The following CRB1 variants were observed in gnomAD, a reference collection of about 807,000 sequenced individuals.
The protein encoded by CRB1 is crumbs cell polarity complex component 1, also known as protein crumbs homolog 1.
CRB1 carries 83 observed loss-of-function variants against 120.0 expected under a neutral mutation model. That is an observed-to-expected ratio of 0.69 (90% CI 0.58 to 0.83). The LOEUF (loss-of-function observed/expected upper bound fraction) is 0.83, where lower values mean the gene tolerates loss of function less well. Ranked by LOEUF, CRB1 falls within the 40% of genes least tolerant of loss-of-function variation. The probability of loss-of-function intolerance (pLI) is 0.00; values close to 1 mark genes in which losing one functional copy is unlikely to be tolerated. For synonymous variants in CRB1, 625 were observed against 612.5 expected (o/e 1.02, Z -0.30); for missense variants, 1,699 against 1,687.6 (o/e 1.01, Z -0.12).
At chr1:197,385,334 G>A (rs1192671808) in intron 5 of CRB1, among the ~76,000 whole-genome samples, 3 of 152,102 alleles carry the variant, frequency 2.0e-5, no homozygotes, top group Admixed American at 6.6e-5. Context: ...AATGTAAATA[G>A]ACAAATGAGG....
rs1443651380 is a variant in CRB1, at chr1:197,438,616, C to T, written c.3819C>T (p.Asn1273=). 1 of 1,613,020 alleles carries T rather than the reference C, an allele frequency of 6.2e-7. No individual in the cohort carries two copies. Among genetic ancestry groups the T allele is most frequent in the South Asian group, 1.1e-5 (1 of 91,074 alleles). The change falls in exon 10 of 12, where the codon AAC becomes AAT. Residue 1273 remains asparagine, a synonymous_variant. Coordinates refer to ENST00000367400, the MANE Select transcript of CRB1 (RefSeq NM_201253.3). ...ATCTCACTTGCTACAATGGAGGCAA[C>T]TGCACAGAGTTCCAGACTGAATTAA... ...KTNLTCYNGG[N]CTEFQTELKC... is the part of the protein sequence containing the mutation.
chr1:197,408,116 A>G (rs1663513765), intron 5 of CRB1, among the ~76,000 whole-genome samples: 1 of 152,202 alleles, frequency 6.6e-6, no homozygotes, highest in Non-Finnish European at 1.5e-5. Context: ...AAAGTAAATC[A>G]CAAATATTAA....
At chr1:197,233,430 C>T in the CRB1 span, among the ~76,000 whole-genome samples, 1 of 152,180 alleles carries the variant, frequency 6.6e-6, no homozygotes, top group African/African-American at 2.4e-5. Flanking sequence ...CCACAGTTCT[C>T]TACACTGCAC....
chr1:197,223,181 A>G, the CRB1 span: 3 of 1,150,962 alleles, frequency 2.6e-6, no homozygotes, highest in African/African-American at 1.5e-5. Context: ...CACTTCTTAC[A>G]ATATTTGGAA....
rs753966052 is a variant in CRB1 at position 197,444,064 on chromosome 1, AT to A, written c.4005+1773del. ...GAGGACAGTTTATCCATTGGATGCC[AT>A]CTATTTAGTCCCAATTAAGAAAGTT... On this transcript the variant is annotated intron_variant, in intron 11 of 11. Transcript: ENST00000367400. 1.2e-4 allele frequency: 19 copies of A among 152,330 alleles called. No individual in the cohort carries two copies. In the East Asian group the frequency reaches 3.3e-3, roughly 26 times the overall value. The allele number at this position is 152,330 out of a possible 1,614,324, so 9.4% of individuals were successfully genotyped here.
At chr1:197,252,799 G>A in the CRB1 span, among the ~76,000 whole-genome samples, 5 of 151,296 alleles carry the variant, frequency 3.3e-5, no homozygotes, top group Non-Finnish European at 7.4e-5. Flanking sequence ...AGAACCAGGA[G>A]CTCCGATGTC....
intron 5 of CRB1, among the ~76,000 whole-genome samples, chr1:197,407,635 A>G (rs568514725): frequency 1.3e-5 from 2 of 152,194 alleles, no homozygotes; most frequent in Non-Finnish European, 2.9e-5. Context: ...TAAAAAATGC[A>G]GCTATCTGAG....
the CRB1 span, among the ~76,000 whole-genome samples, chr1:197,248,585 TTC>T: frequency 2.0e-5 from 3 of 151,960 alleles, no homozygotes; most frequent in African/African-American, 7.2e-5. Flanking sequence ...GGCTTAAAGA[TTC>T]TCTGTTTATT....
At chr1:197,366,285 TA>T (rs1661073040) in intron 5 of CRB1, among the ~76,000 whole-genome samples, 1 of 152,188 alleles carries the variant, frequency 6.6e-6, no homozygotes, top group Non-Finnish European at 1.5e-5. Flanking sequence ...ACATACAGTT[TA>T]CTTTTTTACA....
At chr1:197,445,334 G>A (rs931315750) in intron 11 of CRB1, among the ~76,000 whole-genome samples, 1 of 152,094 alleles carries the variant, frequency 6.6e-6, no homozygotes, top group Non-Finnish European at 1.5e-5. Context: ...GTGCGTACGT[G>A]GCAAGTGGGT....
In CRB1 at chr1:197,429,512, C is replaced by A. The variant is rs112447965; in HGVS notation, c.2740C>A (p.Pro914Thr). The change falls in exon 8 of 12, where the codon CCT (proline) becomes ACT (threonine). Residue 914 changes from proline (P) to threonine (T), a missense_variant. Physicochemically the swap from Pro to Thr is conservative, Grantham distance 38 (BLOSUM62 -1). Coordinates refer to ENST00000367400, the MANE Select transcript of CRB1 (RefSeq NM_201253.3). The stretch of plus-strand genomic sequence containing the variant: ...GTGGGATGACTTCTCCTGTTCCTGT[C>A]CTGCCCTCACAAGTGGGAAAGCCTG... ...SRWDDFSCSC[P>T]ALTSGKACEE... 4 of 1,613,938 alleles carry A rather than the reference C, an allele frequency of 2.5e-6. No homozygotes were observed. In the African/African-American group the frequency reaches 4.0e-5, roughly 16 times the overall value.
Position 197,347,495 on chromosome 1 carries a change from C to T in CRB1, c.988+16C>T, listed in dbSNP as rs1659846942. Reference sequence around the variant, plus strand: ...TGCTGGCCTGGTGAGTGACAAAATACCTTCCACCAATTATTTTTCATTTGT... The same window carrying T: ...TGCTGGCCTGGTGAGTGACAAAATATCTTCCACCAATTATTTTTCATTTGT... On this transcript the variant is annotated intron_variant, in intron 4 of 11. Transcript: ENST00000367400. The T allele has an allele frequency of 6.2e-7, 1 of 1,612,932 alleles. No individual in the cohort carries two copies. Among genetic ancestry groups the T allele is most frequent in the Non-Finnish European group, 8.5e-7 (1 of 1,178,948 alleles).
the CRB1 span, among the ~76,000 whole-genome samples, chr1:197,224,663 G>T: frequency 6.6e-6 from 1 of 151,958 alleles, no homozygotes; most frequent in African/African-American, 2.4e-5. Flanking sequence ...TACCATATAT[G>T]ACTTTCTTGG....
chr1:197,414,542 T>A (rs575268484), intron 5 of CRB1, among the ~76,000 whole-genome samples: 1 of 152,270 alleles, frequency 6.6e-6, no homozygotes, highest in Non-Finnish European at 1.5e-5. Flanking sequence ...ACTAAAAAAA[T>A]TTTAGGAAAG....
rs761872993 is a variant in CRB1 at position 197,421,259 on chromosome 1, G to T, written c.1431G>T (p.Gly477=). The part of the protein sequence containing the change: ...FSCLCPSGYT[G]SLCEIATTLS... Reference sequence around the variant, plus strand: ...GCCTATGTCCATCTGGCTACACCGGGTCCCTGTGTGAAATCGCAACCACAC... The same window carrying T: ...GCCTATGTCCATCTGGCTACACCGGTTCCCTGTGTGAAATCGCAACCACAC... The change falls in exon 6 of 12, where the codon GGG becomes GGT. Residue 477 remains glycine, a synonymous_variant. Coordinates refer to ENST00000367400, the MANE Select transcript of CRB1 (RefSeq NM_201253.3). 3.1e-6 allele frequency: 5 copies of T among 1,614,044 alleles called. No individual in the cohort carries two copies. In the African/African-American group the frequency reaches 6.7e-5, roughly 22 times the overall value.
the CRB1 span, among the ~76,000 whole-genome samples, chr1:197,228,022 A>G: frequency 6.6e-6 from 1 of 151,916 alleles, no homozygotes. Context: ...GCTGGGACAC[A>G]GGGCACCAAG....
At chr1:197,212,696 CA>C in the CRB1 span, among the ~76,000 whole-genome samples, 1 of 152,092 alleles carries the variant, frequency 6.6e-6, no homozygotes, top group Admixed American at 6.6e-5. Context: ...TCAGGGTGTA[CA>C]TATGTCATAA....
chr1:197,319,530 A>G (rs930902853), intron 1 of CRB1, among the ~76,000 whole-genome samples: 9 of 151,848 alleles, frequency 5.9e-5, no homozygotes, highest in African/African-American at 2.2e-4. Context: ...TTGAGTTCAA[A>G]CAATGGAAGT....
At chr1:197,269,965 C>T (rs1654819497) in intron 1 of CRB1, among the ~76,000 whole-genome samples, 1 of 152,108 alleles carries the variant, frequency 6.6e-6, no homozygotes, top group South Asian at 2.1e-4. Context: ...TTTGAAGTCT[C>T]ATTTTCTTCG....
Sources: gnomAD v4.1 joint callset for allele counts (sites outside exome capture counted in the v4.1 genomes callset) on GRCh38, gnomAD v4.1.1 for gene constraint, MANE v1.5 for transcripts, NCBI Gene and HGNC (gene_info 2026-07-23, HGNC 2026-07-21) for gene names.